The following SLC35H1 variants were observed in gnomAD, a reference collection of about 807,000 sequenced individuals.
SLC35H1 encodes ovarian cancer-overexpressed gene 1 protein.
At chr20:46,357,700 G>T in the SLC35H1 span, 1 of 1,614,112 alleles carries the variant, frequency 6.2e-7, no homozygotes, top group Non-Finnish European at 8.5e-7. Flanking sequence ...CTGAACCAGC[G>T]CCCTGGACAG....
At chr20:46,357,874 C>T in the SLC35H1 span, 49 of 1,353,460 alleles carry the variant, frequency 3.6e-5, no homozygotes, top group Non-Finnish European at 4.5e-5. Flanking sequence ...GGGGCTCATT[C>T]GGTGGTTCAT....
the SLC35H1 span, chr20:46,350,892 T>C: frequency 6.2e-7 from 1 of 1,613,734 alleles, no homozygotes; most frequent in South Asian, 1.1e-5. Flanking sequence ...GCAGACTTCC[T>C]GGGGGCAGAG....
At chr20:46,346,482 C>CA in the SLC35H1 span, 2 of 152,030 alleles carry the variant, frequency 1.3e-5, no homozygotes, top group African/African-American at 4.8e-5. Context: ...GAAATTCCTT[C>CA]AAAAAACAAG....
the SLC35H1 span, among the ~76,000 whole-genome samples, chr20:46,354,432 A>G: frequency 6.6e-6 from 1 of 152,096 alleles, no homozygotes; most frequent in Admixed American, 6.5e-5. Flanking sequence ...CATTCCTTAG[A>G]GGCAAGATAG....
chr20:46,350,226 G>A, the SLC35H1 span: 1 of 708,088 alleles, frequency 1.4e-6, no homozygotes, highest in East Asian at 2.9e-5. Context: ...TGTGTGACCA[G>A]GCTCTGAAGG....
chr20:46,347,746 T>C, the SLC35H1 span: 2 of 152,198 alleles, frequency 1.3e-5, no homozygotes, highest in Non-Finnish European at 2.9e-5. Flanking sequence ...GGAGTGAAGA[T>C]GAAGGTATGC....
At chr20:46,349,788 G>C in the SLC35H1 span, 1 of 152,252 alleles carries the variant, frequency 6.6e-6, no homozygotes, top group Non-Finnish European at 1.5e-5. Context: ...GGCCCCACTG[G>C]GGAGGGGACT....
the SLC35H1 span, chr20:46,354,872 C>G: frequency 6.3e-7 from 1 of 1,585,752 alleles, no homozygotes; most frequent in Non-Finnish European, 8.6e-7. Context: ...AGAGGGAAGG[C>G]CCAACGTACC....
chr20:46,355,141 A>G, the SLC35H1 span: 1 of 1,614,144 alleles, frequency 6.2e-7, no homozygotes, highest in South Asian at 1.1e-5. This position sits in a 1 kb window ranked among gnomAD's most constrained non-coding sequence, Gnocchi z 4.8. Context: ...CGAGGCCCCC[A>G]GCACCAAGGC....
At chr20:46,349,774 GTGGGGCCCCAC>G in the SLC35H1 span, 1 of 152,376 alleles carries the variant, frequency 6.6e-6, no homozygotes, top group Non-Finnish European at 1.5e-5. Flanking sequence ...AGCAGGTGCA[GTGGGGCCCCAC>G]TGGGGAGGGG....
the SLC35H1 span, among the ~76,000 whole-genome samples, chr20:46,361,109 T>C: frequency 8.5e-5 from 13 of 152,150 alleles, no homozygotes; most frequent in African/African-American, 2.7e-4. Context: ...AACCTCTTCT[T>C]CCCTTAGATA....
the SLC35H1 span, chr20:46,346,466 C>T: frequency 6.6e-6 from 1 of 152,058 alleles, no homozygotes. Flanking sequence ...TTAGTTTCCG[C>T]TAGTGGAAAT....
At chr20:46,352,154 C>A in the SLC35H1 span, 1 of 1,614,218 alleles carries the variant, frequency 6.2e-7, no homozygotes, top group South Asian at 1.1e-5. Context: ...AAGGAAGAGG[C>A]TCCCAAGTAC....
the SLC35H1 span, chr20:46,354,967 T>G: frequency 6.2e-7 from 1 of 1,613,980 alleles, no homozygotes; most frequent in Admixed American, 1.7e-5. Flanking sequence ...TCTGGAGGCC[T>G]GCAGGGCGGG....
the SLC35H1 span, chr20:46,358,956 G>GGC: frequency 1.7e-6 from 1 of 602,042 alleles, no homozygotes; most frequent in South Asian, 1.9e-5. Flanking sequence ...CCACCAAAGT[G>GGC]ACCTTTTAAA....
chr20:46,355,783 A>G, the SLC35H1 span: 5 of 1,613,982 alleles, frequency 3.1e-6, no homozygotes, highest in Non-Finnish European at 4.2e-6. The surrounding 1 kb of genome is among the most constrained non-coding windows in gnomAD (Gnocchi z 4.8). Context: ...GAAGGACACA[A>G]GAGACGCTGG....
At chr20:46,348,338 G>A in the SLC35H1 span, 1 of 152,250 alleles carries the variant, frequency 6.6e-6, no homozygotes, top group Non-Finnish European at 1.5e-5. Flanking sequence ...GGCGGGCAGT[G>A]GGGGAGCAGA....
chr20:46,360,721 T>TA, the SLC35H1 span, among the ~76,000 whole-genome samples: 11 of 152,228 alleles, frequency 7.2e-5, no homozygotes, highest in Admixed American at 4.6e-4. Flanking sequence ...GCTAATTTTT[T>TA]ATATTTTTAG....
the SLC35H1 span, chr20:46,350,868 G>T: frequency 6.2e-7 from 1 of 1,613,906 alleles, no homozygotes; most frequent in African/African-American, 1.3e-5. Flanking sequence ...CAGATGAGCT[G>T]CCAACAGCAA....
Sources: gnomAD v4.1 joint callset for allele counts (sites outside exome capture counted in the v4.1 genomes callset) on GRCh38, gnomAD v4.1.1 for gene constraint, Gnocchi (gnomAD v3.1) non-coding constraint, MANE v1.5 for transcripts, NCBI Gene and HGNC (gene_info 2026-07-23, HGNC 2026-07-21) for gene names.